AIG1: variants seen among roughly 807,000 people sequenced by gnomAD.
The protein encoded by AIG1 is androgen induced 1, also known as androgen-induced gene 1 protein.
AIG1 carries 23 observed loss-of-function variants against 31.4 expected under a neutral mutation model. That is an observed-to-expected ratio of 0.73 (90% CI 0.53 to 1.04). The LOEUF is 1.04. Among genes scored for constraint, AIG1 ranks in the 50% least tolerant of loss-of-function variants. The probability of loss-of-function intolerance (pLI) is 0.00; values close to 1 mark genes in which losing one functional copy is unlikely to be tolerated. For synonymous variants in AIG1, 100 were observed against 110.5 expected, an observed-to-expected ratio of 0.90 and a Z score of 0.60; for missense variants, 274 against 295.0, an observed-to-expected ratio of 0.93 and a Z score of 0.52.
intron 3 of AIG1, among the ~76,000 whole-genome samples, chr6:143,225,850 A>G (rs775536194): frequency 7.2e-5 from 11 of 152,170 alleles, no homozygotes; most frequent in Non-Finnish European, 1.5e-4. Flanking sequence ...TTAGAGGCGA[A>G]TTTGTATATA....
rs914276842 is a variant in AIG1, at chr6:143,182,990, C to T, written c.399+17807C>T. On this transcript the variant is annotated intron_variant, in intron 3 of 5. Coordinates refer to ENST00000357847, the MANE Select transcript of AIG1 (RefSeq NM_016108.4). ...CTGCAGCAAAATCCTGCACACATGA[C>T]CTGCTGTTCCCAGAAAGGGTCTTTT... 2.8e-4 allele frequency among the ~76,000 whole-genome samples: 42 copies of T among 152,332 alleles called. 1 individual carries two copies. The highest frequency in any genetic ancestry group is 1.0e-3 in the African/African-American group (42 of 41,572).
At chr6:143,134,406 T>G (rs1040938054) in intron 1 of AIG1, among the ~76,000 whole-genome samples, 2 of 151,538 alleles carry the variant, frequency 1.3e-5, no homozygotes, top group African/African-American at 4.8e-5. Context: ...CTTTTTTTTT[T>G]TTTTTTTGGT....
chr6:143,236,069 A>G lies in AIG1; in HGVS notation c.400-48041A>G, dbSNP rs148470741. ...TTTTCGGGTATATATACTGAACCCC[A>G]TCACATTTTTATTTTCTTGTATTTA... is the stretch of plus-strand genomic sequence containing the variant. On this transcript the variant is annotated intron_variant, in intron 3 of 5. Transcript: ENST00000357847. 8.2e-3 allele frequency among the ~76,000 whole-genome samples: 1,250 copies of G among 152,298 alleles called. 25 individuals are homozygous for G. Among genetic ancestry groups the G allele is most frequent in the Admixed American group, 0.035 (538 of 15,302 alleles).
intron 4 of AIG1, among the ~76,000 whole-genome samples, chr6:143,318,387 C>T (rs1775938976): frequency 1.3e-5 from 2 of 152,074 alleles, no homozygotes. Flanking sequence ...GGGGAAAGAA[C>T]ACTCTATTCC....
In AIG1 at chr6:143,202,320, C is replaced by T. The variant is rs77570196; in HGVS notation, c.399+37137C>T. ...GTAATTCCTTTTTTACTTCATGTCC[C>T]TGAAGCTAAAATCCTCAGGGACAGC... On this transcript the variant is annotated intron_variant, in intron 3 of 5. Coordinates refer to ENST00000357847, the MANE Select transcript of AIG1 (RefSeq NM_016108.4). Among the ~76,000 whole-genome samples, 177 of 152,074 alleles carry T rather than the reference C, an allele frequency of 1.2e-3. No individual in the cohort carries two copies. In the East Asian group the frequency reaches 0.018, roughly 16 times the overall value.
chr6:143,079,779 CTT>C (rs78637706), intron 1 of AIG1, among the ~76,000 whole-genome samples: 3,464 of 106,732 alleles, frequency 0.032, 24 homozygotes, highest in African/African-American at 0.072. Flanking sequence ...GGATAGATTC[CTT>C]TTTTTTTTTT....
chr6:143,233,998 C>T (rs566957349), intron 3 of AIG1, among the ~76,000 whole-genome samples: 1 of 152,162 alleles, frequency 6.6e-6, no homozygotes, highest in Non-Finnish European at 1.5e-5. Flanking sequence ...AAAAAAAGAA[C>T]CTGTACTTTG....
intron 3 of AIG1, among the ~76,000 whole-genome samples, chr6:143,247,881 A>G (rs1342058471): frequency 6.6e-6 from 1 of 152,186 alleles, no homozygotes; most frequent in Non-Finnish European, 1.5e-5. Flanking sequence ...ATCTGGGTGG[A>G]TCTGATTCAG....
At chr6:143,176,096 G>A (rs771341280) in intron 3 of AIG1, among the ~76,000 whole-genome samples, 70 of 152,302 alleles carry the variant, frequency 4.6e-4, no homozygotes, top group Non-Finnish European at 9.1e-4. Context: ...TAGCCACCCA[G>A]TGGAGCTGCC....
intron 1 of AIG1, among the ~76,000 whole-genome samples, chr6:143,065,592 T>C (rs1189444102): frequency 1.3e-5 from 2 of 152,234 alleles, no homozygotes; most frequent in Non-Finnish European, 2.9e-5. Flanking sequence ...AAGGCAAATG[T>C]ATTTTGAGGT....
intron 3 of AIG1, among the ~76,000 whole-genome samples, chr6:143,196,397 C>CACACA (rs1790249237): frequency 1.7e-5 from 2 of 119,296 alleles, no homozygotes; most frequent in Non-Finnish European, 3.7e-5. Context: ...ACACACACAC[C>CACACA]CCAATTTGAT....
At chr6:143,105,237 A>G (rs1341008225) in intron 1 of AIG1, among the ~76,000 whole-genome samples, 2 of 152,196 alleles carry the variant, frequency 1.3e-5, no homozygotes, top group Non-Finnish European at 2.9e-5. Flanking sequence ...GAGAACGTAC[A>G]TTACACCACC....
In AIG1 at chr6:143,230,651, TTAA is replaced by T. The variant is rs1291607899; in HGVS notation, c.400-53450_400-53448del. Among the ~76,000 whole-genome samples, 3 of 151,614 alleles carry T rather than the reference TTAA, an allele frequency of 2.0e-5. No homozygotes were observed. In the East Asian group the frequency reaches 5.8e-4, roughly 29 times the overall value. On this transcript the variant is annotated intron_variant, in intron 3 of 5. Transcript: ENST00000357847. The stretch of plus-strand genomic sequence containing the variant: ...AAATATATCATTATATTTTTGCATT[TTAA>T]TAATAATATATATGTATCAAACCAT...
Position 143,293,815 on chromosome 6 carries a change from C to A in AIG1, c.515+9590C>A, listed in dbSNP as rs886345424. Among the ~76,000 whole-genome samples the A allele has an allele frequency of 6.6e-6, 1 of 152,130 alleles. No individual in the cohort carries two copies. The highest frequency in any genetic ancestry group is 1.5e-5 in the Non-Finnish European group (1 of 68,032). ...CCCTACAGCCATGCCTACACCACTG[C>A]TTCTTTTCCCCATAGTCTGCCCAAA... On this transcript the variant is annotated intron_variant, in intron 4 of 5. Coordinates refer to ENST00000357847, the MANE Select transcript of AIG1 (RefSeq NM_016108.4). The surrounding 1 kb of genome is among the most constrained non-coding windows in gnomAD (Gnocchi z 4.8).
chr6:143,203,749 T>C (rs1447899889), intron 3 of AIG1, among the ~76,000 whole-genome samples: 1 of 152,214 alleles, frequency 6.6e-6, no homozygotes, highest in Non-Finnish European at 1.5e-5. Context: ...TCCCTTGAGA[T>C]GCTGTATCAT....
intron 3 of AIG1, among the ~76,000 whole-genome samples, chr6:143,209,410 A>G (rs1021622043): frequency 6.6e-5 from 10 of 152,218 alleles, no homozygotes; most frequent in African/African-American, 2.2e-4. Context: ...TAACTTTAAG[A>G]TAAGGAGATT....
At chr6:143,251,851 TA>T (rs1795033312) in intron 3 of AIG1, among the ~76,000 whole-genome samples, 1 of 152,236 alleles carries the variant, frequency 6.6e-6, no homozygotes, top group Admixed American at 6.5e-5. Flanking sequence ...TTGTTTGCTT[TA>T]AATGAAGCAA....
At chr6:143,100,237 T>G (rs1252423032) in intron 1 of AIG1, among the ~76,000 whole-genome samples, 1 of 152,228 alleles carries the variant, frequency 6.6e-6, no homozygotes, top group Admixed American at 6.5e-5. Context: ...ATGGATCCTC[T>G]GAACCGTAAG....
At chr6:143,246,622 T>C (rs1441762781) in intron 3 of AIG1, among the ~76,000 whole-genome samples, 1 of 152,226 alleles carries the variant, frequency 6.6e-6, no homozygotes, top group Non-Finnish European at 1.5e-5. Flanking sequence ...GAAATTTGCA[T>C]TGAATGATAA....
Sources: gnomAD v4.1 joint callset for allele counts (sites outside exome capture counted in the v4.1 genomes callset) on GRCh38, gnomAD v4.1.1 for gene constraint, Gnocchi (gnomAD v3.1) non-coding constraint, MANE v1.5 for transcripts, NCBI Gene and HGNC (gene_info 2026-07-23, HGNC 2026-07-21) for gene names.